The following DNAH10 variants were observed in gnomAD, a reference collection of about 807,000 sequenced individuals.
The protein encoded by DNAH10 is dynein axonemal heavy chain 10, also known as axonemal beta dynein heavy chain 10.
Under a neutral mutation model 506.6 loss-of-function variants are expected in DNAH10, and 348 were observed. The observed-to-expected ratio is 0.69, with a 90% confidence interval of 0.63 to 0.75. DNAH10 has a LOEUF of 0.75. DNAH10 is among the 30% of genes least tolerant of loss of function. DNAH10 has a pLI of 0.00. For synonymous variants in DNAH10, 2,059 were observed against 2,198.6 expected, an observed-to-expected ratio of 0.94 and a Z score of 1.78; for missense variants, 5,179 against 5,787.1, an observed-to-expected ratio of 0.89 and a Z score of 3.41.
At chr12:123,880,774 G>A (rs562270552) in intron 50 of DNAH10, among the ~76,000 whole-genome samples, 63 of 151,128 alleles carry the variant, frequency 4.2e-4, no homozygotes, top group East Asian at 2.5e-3. Context: ...TACATTAGGT[G>A]TATCTCCTAA....
In DNAH10 at chr12:123,923,893, C is replaced by G. The variant is rs753098926; in HGVS notation, c.11611+26C>G. The stretch of plus-strand genomic sequence containing the variant: ...GTAATGAATTTGCCTAGCTTCATTC[C>G]TCCCATCTCCTTGCCCACATGATAC... On this transcript the variant is annotated intron_variant, in intron 66 of 78. Transcript: ENST00000673944. The G allele has an allele frequency of 2.4e-5, 36 of 1,491,582 alleles. 1 individual carries two copies. In the South Asian group the frequency reaches 4.1e-4, roughly 17 times the overall value. 92.4% of individuals were successfully genotyped at this position (1,491,582 alleles called of 1,614,324 possible). A position where few individuals can be genotyped will look rare whatever the true frequency, so the allele number is the denominator to read the frequency against.
chr12:123,897,035 G>C (rs576522960), intron 54 of DNAH10, among the ~76,000 whole-genome samples: 1 of 152,062 alleles, frequency 6.6e-6, no homozygotes, highest in African/African-American at 2.4e-5. Context: ...TGGCAACCTC[G>C]AATCTGTGTT....
At chr12:123,819,743 C>T (rs1300471582) in intron 23 of DNAH10, among the ~76,000 whole-genome samples, 1 of 128,976 alleles carries the variant, frequency 7.8e-6, no homozygotes, top group Non-Finnish European at 1.6e-5. Flanking sequence ...CTCGCTCTGT[C>T]ACCCAGACTG....
At chr12:123,832,509 A>G (rs537156220) in intron 26 of DNAH10, among the ~76,000 whole-genome samples, 2 of 151,892 alleles carry the variant, frequency 1.3e-5, no homozygotes, top group South Asian at 4.1e-4. Flanking sequence ...ATGTATCAAT[A>G]CAGATTTTTT....
At chr12:123,893,082 C>G in intron 52 of DNAH10, 151 bp from the exon 53 acceptor site, 1 of 785,566 alleles carries the variant, frequency 1.3e-6, no homozygotes. Flanking sequence ...CACGAGGTGG[C>G]AGGGAGCCTC....
Position 123,787,748 on chromosome 12 carries a change from C to A in DNAH10, c.1422-56C>A, listed in dbSNP as rs775045548. The A allele has an allele frequency of 2.4e-4, 375 of 1,569,506 alleles. No homozygotes were observed. The highest frequency in any genetic ancestry group is 1.5e-3 in the Middle Eastern group (8 of 5,224). The stretch of plus-strand genomic sequence containing the variant: ...ACACTGGCTCCCCAGCCGGGGAGTG[C>A]GGCTCGGACCCGGAGCTCCGCCCTC... On this transcript the variant is annotated intron_variant, in intron 9 of 78. Coordinates refer to ENST00000673944, the MANE Select transcript of DNAH10 (RefSeq NM_001372106.1). The surrounding 1 kb of genome is among the most constrained non-coding windows in gnomAD (Gnocchi z 4.6).
intron 65 of DNAH10, among the ~76,000 whole-genome samples, chr12:123,920,182 T>G (rs1295825841): frequency 2.0e-5 from 3 of 152,372 alleles, no homozygotes; most frequent in East Asian, 3.9e-4. Flanking sequence ...AGCTCTGGAT[T>G]TGTTTATATG....
At position 123,919,280 on chromosome 12, in the gene DNAH10, G is replaced by A. The variant is rs1954626407; in HGVS notation, c.11506+331G>A. Among the ~76,000 whole-genome samples the A allele has an allele frequency of 6.6e-6, 1 of 151,884 alleles. No individual in the cohort carries two copies. On this transcript the variant is annotated intron_variant, in intron 65 of 78. Coordinates refer to ENST00000673944, the MANE Select transcript of DNAH10 (RefSeq NM_001372106.1). The surrounding 1 kb of genome is among the most constrained non-coding windows in gnomAD (Gnocchi z 4.9). ...TGTAGAGATGGGGTTTCACTATGTTGCCCAGGCTGGTCTCGAACTCCTGAG... is the reference window on the plus strand; with the variant it reads ...TGTAGAGATGGGGTTTCACTATGTTACCCAGGCTGGTCTCGAACTCCTGAG...
rs779205281 is a variant in DNAH10, at chr12:123,850,917, C to T, written c.6132C>T (p.Ser2044=). 5.0e-5 allele frequency: 80 copies of T among 1,613,422 alleles called. No homozygotes were observed. The highest frequency in any genetic ancestry group is 1.3e-4 in the Admixed American group (8 of 59,934). ...QFEGQEISLD[S]RMGIFITMNP... ...AAGGGCAGGAGATTTCCCTGGACTCCCGCATGGGCATCTTCATCACCATGA... is the reference window on the plus strand; with the variant it reads ...AAGGGCAGGAGATTTCCCTGGACTCTCGCATGGGCATCTTCATCACCATGA... Residue 2044 remains serine (S), a synonymous_variant, in exon 35 of 79, where the codon TCC becomes TCT. Transcript: ENST00000673944. This position sits in a 1 kb window ranked among gnomAD's most constrained non-coding sequence, Gnocchi z 5.5.
At position 123,879,803 on chromosome 12, in the gene DNAH10, TG is replaced by T; in HGVS notation, c.8634+6del. 6.2e-7 allele frequency: 1 copy of T among 1,613,660 alleles called. No homozygotes were observed. The highest frequency in any genetic ancestry group is 1.1e-5 in the South Asian group (1 of 91,056). On this transcript the variant is annotated splice_donor_region_variant and intron_variant, in intron 50 of 78. Coordinates refer to ENST00000673944, the MANE Select transcript of DNAH10 (RefSeq NM_001372106.1). ...GAGGCGGCCAAGGCTCTGTTCCAGG[TG>T]GGGATGAGCCCCACCCTGTCCATGG...
chr12:123,886,907 C>T (rs1057484051), intron 51 of DNAH10, among the ~76,000 whole-genome samples: 4 of 152,208 alleles, frequency 2.6e-5, no homozygotes, highest in Non-Finnish European at 5.9e-5. Context: ...ATGTGGCTGG[C>T]GTTCACCTTG....
chr12:123,828,930 C>T (rs1052845128), intron 25 of DNAH10, among the ~76,000 whole-genome samples: 1 of 152,188 alleles, frequency 6.6e-6, no homozygotes, highest in East Asian at 1.9e-4. Context: ...GGGAATCACT[C>T]TCTCCCAGTG....
chr12:123,915,835 C>T, intron 62 of DNAH10, among the ~76,000 whole-genome samples: 1 of 152,224 alleles, frequency 6.6e-6, no homozygotes, highest in Non-Finnish European at 1.5e-5. Flanking sequence ...AATGTTGGTG[C>T]ACACGTTTCT....
chr12:123,841,574 C>G (rs775687168), intron 30 of DNAH10, 29 bp downstream of exon 30: 1 of 1,587,880 alleles, frequency 6.3e-7, no homozygotes, highest in South Asian at 1.1e-5. Flanking sequence ...ACATGCATTG[C>G]TCTATCCAAT....
At chr12:123,869,289 C>T (rs1566020493) in intron 43 of DNAH10, among the ~76,000 whole-genome samples, 1 of 152,192 alleles carries the variant, frequency 6.6e-6, no homozygotes, top group East Asian at 1.9e-4. Context: ...ATCCTCACTT[C>T]CTTGGCTGGT....
chr12:123,885,286 G>A (rs1458156080), intron 51 of DNAH10, among the ~76,000 whole-genome samples: 2 of 152,200 alleles, frequency 1.3e-5, no homozygotes, highest in Admixed American at 1.3e-4. Flanking sequence ...CTGTGTCACT[G>A]CGTCTTTCCA....
At chr12:123,861,483 C>CT (rs1429175684) in intron 39 of DNAH10, among the ~76,000 whole-genome samples, 3 of 152,314 alleles carry the variant, frequency 2.0e-5, no homozygotes, top group South Asian at 2.1e-4. Context: ...CTGTGTGACT[C>CT]TAAGTTCTCA....
chr12:123,783,045 T>C (rs1023289672), intron 6 of DNAH10, 62 bp from the exon 7 acceptor site: 2 of 1,556,466 alleles, frequency 1.3e-6, no homozygotes, highest in Admixed American at 1.7e-5. Flanking sequence ...TGAACTTGAA[T>C]GTTTCTCTTT....
chr12:123,916,999 G>C lies in DNAH10; in HGVS notation c.11002+263G>C, dbSNP rs1954510212. On this transcript the variant is annotated intron_variant, in intron 63 of 78. Transcript: ENST00000673944. This position sits in a 1 kb window ranked among gnomAD's most constrained non-coding sequence, Gnocchi z 4.6. ...GGTGGGATGGGACCTCTGACTGTGG[G>C]GGCAGGAAGTTACTCTATATTCGTG... Among the ~76,000 whole-genome samples, 1 of 152,146 alleles carries C rather than the reference G, an allele frequency of 6.6e-6. No individual in the cohort carries two copies. Among genetic ancestry groups the C allele is most frequent in the African/African-American group, 2.4e-5 (1 of 41,422 alleles).
Sources: gnomAD v4.1 joint callset for allele counts (sites outside exome capture counted in the v4.1 genomes callset) on GRCh38, gnomAD v4.1.1 for gene constraint, Gnocchi (gnomAD v3.1) non-coding constraint, MANE v1.5 for transcripts, NCBI Gene and HGNC (gene_info 2026-07-23, HGNC 2026-07-21) for gene names.